Variants in PDSS2 observed in about 807,000 individuals in gnomAD.
The protein encoded by PDSS2 is all trans-polyprenyl-diphosphate synthase PDSS2.
A neutral mutation model predicts 44.5 loss-of-function variants in PDSS2; 31 were observed. The ratio of observed to expected loss-of-function variants is 0.70; its 90% confidence interval spans 0.52 to 0.94. PDSS2 has a LOEUF of 0.94. Ranked by LOEUF, PDSS2 falls within the 40% of genes least tolerant of loss-of-function variation. The pLI is 0.00. For synonymous variants in PDSS2, 157 were observed against 180.3 expected (o/e 0.87, Z 1.03); for missense variants, 452 against 482.2 (o/e 0.94, Z 0.59).
intron 7 of PDSS2, among the ~76,000 whole-genome samples, chr6:107,161,880 T>C (rs1406842427): frequency 1.3e-5 from 2 of 152,194 alleles, no homozygotes; most frequent in East Asian, 3.8e-4. Context: ...TGTGTCTGTG[T>C]GTGTGTTTTC....
intron 1 of PDSS2, among the ~76,000 whole-genome samples, chr6:107,457,675 A>G (rs1782088602): frequency 6.6e-6 from 1 of 152,246 alleles, no homozygotes. Context: ...AAGAAGAGAT[A>G]TGAAAATGTT....
intron 1 of PDSS2, among the ~76,000 whole-genome samples, chr6:107,385,837 G>T (rs1049189545): frequency 1.3e-5 from 2 of 151,198 alleles, no homozygotes; most frequent in Middle Eastern, 3.2e-3. Flanking sequence ...AAGCATGATT[G>T]TACATGAGCA....
intron 7 of PDSS2, among the ~76,000 whole-genome samples, chr6:107,185,204 A>G (rs1445417221): frequency 6.6e-6 from 1 of 151,986 alleles, no homozygotes; most frequent in Non-Finnish European, 1.5e-5. Flanking sequence ...CTAGAGATAA[A>G]TATAATGCAA....
At chr6:107,420,005 C>T (rs779650252) in intron 1 of PDSS2, among the ~76,000 whole-genome samples, 7 of 152,106 alleles carry the variant, frequency 4.6e-5, no homozygotes, top group African/African-American at 1.4e-4. Flanking sequence ...AAACCTAAAC[C>T]GAAGTCCCTG....
chr6:107,260,884 G>A (rs1288142371), intron 3 of PDSS2, among the ~76,000 whole-genome samples: 1 of 151,944 alleles, frequency 6.6e-6, no homozygotes. Flanking sequence ...GGATGGTCTC[G>A]ATCTCCTGAC....
chr6:107,309,362 T>C (rs1776960412), intron 2 of PDSS2, among the ~76,000 whole-genome samples: 1 of 152,230 alleles, frequency 6.6e-6, no homozygotes. Flanking sequence ...TCTGTCTTCA[T>C]TCTCATTCTG....
rs80291895 is a variant in PDSS2, at chr6:107,439,960, T to A, written c.296+19030A>T. Among the ~76,000 whole-genome samples the A allele has an allele frequency of 3.2e-3, 486 of 152,236 alleles. 8 individuals carry two copies. The highest frequency in any genetic ancestry group is 0.026 in the East Asian group (136 of 5,160). On this transcript the variant is annotated intron_variant, in intron 1 of 7. Transcript: ENST00000369037. ...ATAAGTATATGGACAAGGTGACTGT[T>A]ACTGAAAGAGTGAGCCATTTTCCTT...
intron 1 of PDSS2, among the ~76,000 whole-genome samples, chr6:107,411,885 T>C (rs985492290): frequency 4.4e-4 from 63 of 142,568 alleles, no homozygotes; most frequent in African/African-American, 3.1e-4. Flanking sequence ...TCTTCTTTTT[T>C]TTTTTTTTTT....
intron 1 of PDSS2, among the ~76,000 whole-genome samples, chr6:107,338,905 T>G (rs1777993156): frequency 6.6e-6 from 1 of 152,124 alleles, no homozygotes; most frequent in Non-Finnish European, 1.5e-5. Context: ...TTTTTTTTCT[T>G]TTAGAGACAG....
intron 1 of PDSS2, among the ~76,000 whole-genome samples, chr6:107,411,812 G>T (rs981652733): frequency 4.6e-5 from 7 of 151,550 alleles, no homozygotes; most frequent in Non-Finnish European, 2.9e-5. Flanking sequence ...TGTTAGTATT[G>T]GGGGGTGGGG....
intron 2 of PDSS2, among the ~76,000 whole-genome samples, chr6:107,287,724 G>C (rs147571178): frequency 6.6e-6 from 1 of 152,270 alleles, no homozygotes; most frequent in Non-Finnish European, 1.5e-5. Flanking sequence ...TTTTCACCAT[G>C]TTGACCAGAC....
Position 107,378,049 on chromosome 6 carries a change from AT to A in PDSS2, c.297-43718del, listed in dbSNP as rs900036054. Reference sequence around the variant, plus strand: ...CTTAAAGTATAATAATAATAAAAAAATAAAAATAAAAATAAATAAATAAATA... The same window carrying A: ...CTTAAAGTATAATAATAATAAAAAAAAAAAATAAAAATAAATAAATAAATA... On this transcript the variant is annotated intron_variant, in intron 1 of 7. Coordinates refer to ENST00000369037, the MANE Select transcript of PDSS2 (RefSeq NM_020381.4). Among the ~76,000 whole-genome samples the A allele has an allele frequency of 1.8e-4, 27 of 150,908 alleles. No individual in the cohort carries two copies. The East Asian group carries it at 2.9e-3, about 16-fold the overall frequency.
chr6:107,171,042 C>T (rs1771555718), intron 7 of PDSS2, among the ~76,000 whole-genome samples: 1 of 152,212 alleles, frequency 6.6e-6, no homozygotes, highest in African/African-American at 2.4e-5. Context: ...GAGAGGAACA[C>T]AGTTGCTGCC....
At chr6:107,311,468 A>G (rs1372489216) in intron 2 of PDSS2, among the ~76,000 whole-genome samples, 1 of 152,094 alleles carries the variant, frequency 6.6e-6, no homozygotes, top group Non-Finnish European at 1.5e-5. Flanking sequence ...TCAGCCTCCT[A>G]AAGTGCTGCA....
chr6:107,428,579 G>A (rs548683032), intron 1 of PDSS2, among the ~76,000 whole-genome samples: 1 of 152,276 alleles, frequency 6.6e-6, no homozygotes, highest in South Asian at 2.1e-4. Flanking sequence ...TGTAATCCCA[G>A]CACTTTGGGA....
chr6:107,188,068 G>A (rs1772235528), intron 7 of PDSS2, among the ~76,000 whole-genome samples: 1 of 152,150 alleles, frequency 6.6e-6, no homozygotes, highest in African/African-American at 2.4e-5. Context: ...CTAGCATAGT[G>A]CCTCCAATAT....
At chr6:107,335,465 CA>C (rs1250352550) in intron 1 of PDSS2, among the ~76,000 whole-genome samples, 1 of 152,130 alleles carries the variant, frequency 6.6e-6, no homozygotes, top group Non-Finnish European at 1.5e-5. Flanking sequence ...AAACCAAATT[CA>C]AAAGACGCAG....
intron 3 of PDSS2, chr6:107,264,420 T>C: frequency 6.5e-7 from 1 of 1,549,622 alleles, no homozygotes; most frequent in South Asian, 1.2e-5. Context: ...AGGAGTGACA[T>C]CATGACAATG....
At chr6:107,446,333 G>T (rs775817566) in intron 1 of PDSS2, among the ~76,000 whole-genome samples, 2 of 151,902 alleles carry the variant, frequency 1.3e-5, no homozygotes, top group African/African-American at 2.4e-5. Context: ...AGAAAAAAAA[G>T]AAATAATTAC....
Sources: allele counts gnomAD v4.1 joint callset (sites outside exome capture counted in the v4.1 genomes callset), GRCh38; gene constraint gnomAD v4.1.1; transcripts MANE v1.5; gene names NCBI Gene and HGNC (gene_info 2026-07-23, HGNC 2026-07-21).